The following MCTP1 variants were observed in gnomAD, a reference collection of about 807,000 sequenced individuals.
MCTP1 encodes multiple C2 and transmembrane domain containing 1.
In MCTP1, 69 loss-of-function variants were observed where a neutral mutation model predicts 120.6. The ratio of observed to expected loss-of-function variants is 0.57; its 90% confidence interval spans 0.47 to 0.70. MCTP1 has a LOEUF of 0.70. Ranked by LOEUF, MCTP1 falls within the 30% of genes least tolerant of loss-of-function variation. MCTP1 has a pLI of 0.00. For missense variants in MCTP1, 1,203 were observed against 1,248.8 expected, an observed-to-expected ratio of 0.96 and a Z score of 0.55; for synonymous variants, 529 against 493.1, an observed-to-expected ratio of 1.07 and a Z score of -0.96.
chr5:94,896,655 G>A (rs1804062481), intron 10 of MCTP1, among the ~76,000 whole-genome samples: 1 of 152,130 alleles, frequency 6.6e-6, no homozygotes, highest in Admixed American at 6.6e-5. Context: ...TTGCAAGCTG[G>A]CAATTTTCAG....
intron 2 of MCTP1, among the ~76,000 whole-genome samples, chr5:95,004,951 A>G (rs1283216703): frequency 6.6e-6 from 1 of 152,180 alleles, no homozygotes. Context: ...ACAGCTTGCA[A>G]CATGTTCCTG....
chr5:94,839,188 G>A (rs76756296), intron 17 of MCTP1, among the ~76,000 whole-genome samples: 2,392 of 152,208 alleles, frequency 0.016, 28 homozygotes, highest in Middle Eastern at 0.034. Context: ...ACAAAAGGTC[G>A]AAATTCACCT....
chr5:94,807,320 T>C (rs1415538390), intron 17 of MCTP1, among the ~76,000 whole-genome samples: 1 of 152,130 alleles, frequency 6.6e-6, no homozygotes, highest in Non-Finnish European at 1.5e-5. Context: ...TATCAATATA[T>C]AAAAACTGAT....
chr5:95,132,331 G>A (rs1425732062), intron 1 of MCTP1, among the ~76,000 whole-genome samples: 1 of 152,158 alleles, frequency 6.6e-6, no homozygotes, highest in Non-Finnish European at 1.5e-5. Context: ...GGTATAGTTA[G>A]GACACTCAGC....
chr5:95,149,749 C>CTT, intron 1 of MCTP1, among the ~76,000 whole-genome samples: 1 of 152,174 alleles, frequency 6.6e-6, no homozygotes, highest in African/African-American at 2.4e-5. Flanking sequence ...GTTGGGCTCC[C>CTT]TGCGGCCTTA....
chr5:94,919,340 G>A (rs957689176), intron 7 of MCTP1, among the ~76,000 whole-genome samples: 1 of 152,010 alleles, frequency 6.6e-6, no homozygotes, highest in Non-Finnish European at 1.5e-5. Context: ...CACTAAAAAT[G>A]AGATATTTTA....
chr5:95,008,762 T>C (rs1035050286), intron 2 of MCTP1, among the ~76,000 whole-genome samples: 3 of 152,004 alleles, frequency 2.0e-5, no homozygotes, highest in Non-Finnish European at 2.9e-5. Context: ...AAGGGCGATA[T>C]AAGGCACAGA....
intron 1 of MCTP1, among the ~76,000 whole-genome samples, chr5:95,273,415 G>C (rs1337779223): frequency 6.6e-6 from 1 of 152,144 alleles, no homozygotes; most frequent in African/African-American, 2.4e-5. Context: ...CCTTGATTAA[G>C]AATGAAAATT....
intron 7 of MCTP1, among the ~76,000 whole-genome samples, chr5:94,918,702 T>C (rs1253074140): frequency 6.6e-6 from 1 of 152,166 alleles, no homozygotes; most frequent in Admixed American, 6.5e-5. Context: ...ATGATGAGAT[T>C]AGAGTGAGTC....
At chr5:94,794,819 G>A (rs907113634) in intron 18 of MCTP1, among the ~76,000 whole-genome samples, 1 of 152,160 alleles carries the variant, frequency 6.6e-6, no homozygotes, top group Non-Finnish European at 1.5e-5. Context: ...GGGGTGAGTG[G>A]TGTGGGAAAA....
intron 1 of MCTP1, chr5:95,038,177 T>G: frequency 1.1e-6 from 1 of 924,566 alleles, no homozygotes; most frequent in Non-Finnish European, 1.3e-6. Flanking sequence ...AGTTATTCCT[T>G]CCAGGTATAA....
chr5:95,194,146 T>C (rs1055721260), intron 1 of MCTP1, among the ~76,000 whole-genome samples: 4 of 151,582 alleles, frequency 2.6e-5, no homozygotes, highest in Non-Finnish European at 5.9e-5. Flanking sequence ...AGCCCAGGAG[T>C]CTGAGCCTGC....
chr5:94,789,791 T>C (rs1354047106), intron 18 of MCTP1, among the ~76,000 whole-genome samples: 1 of 152,226 alleles, frequency 6.6e-6, no homozygotes, highest in East Asian at 1.9e-4. Context: ...GGGCAAGGCG[T>C]GTGTCTTCAT....
At chr5:95,278,349 A>G (rs979886596) in intron 1 of MCTP1, among the ~76,000 whole-genome samples, 4 of 152,222 alleles carry the variant, frequency 2.6e-5, no homozygotes, top group Non-Finnish European at 5.9e-5. Flanking sequence ...TAAGTGAACA[A>G]ATGACTTGAG....
chr5:95,183,820 G>T (rs557033926), intron 1 of MCTP1, among the ~76,000 whole-genome samples: 2 of 152,306 alleles, frequency 1.3e-5, no homozygotes, highest in South Asian at 4.1e-4. Flanking sequence ...AAATTAATCA[G>T]ACTGACAATA....
chr5:94,820,034 C>A (rs1785301563), intron 17 of MCTP1, among the ~76,000 whole-genome samples: 1 of 152,192 alleles, frequency 6.6e-6, no homozygotes, highest in Non-Finnish European at 1.5e-5. Flanking sequence ...GTTCTACCCT[C>A]TTTTACACCA....
chr5:95,053,591 T>A (rs1390412371), intron 1 of MCTP1, among the ~76,000 whole-genome samples: 1 of 152,136 alleles, frequency 6.6e-6, no homozygotes, highest in African/African-American at 2.4e-5. Flanking sequence ...AAAGCTCCAA[T>A]CTATATTATT....
rs139010229 is a variant in MCTP1, at chr5:94,860,925, C to A, written c.2436+7408G>T. The stretch of plus-strand genomic sequence containing the variant: ...CTGATTTAAGATCAAATAAAGGCCA[C>A]ACTTTGTCTCTAAAATATTTTATTC... On this transcript the variant is annotated intron_variant, in intron 17 of 22. Coordinates refer to ENST00000515393, the MANE Select transcript of MCTP1 (RefSeq NM_024717.7). Among the ~76,000 whole-genome samples, 3 of 151,804 alleles carry A rather than the reference C, an allele frequency of 2.0e-5. 1 individual carries two copies. The highest frequency in any genetic ancestry group is 2.0e-4 in the Admixed American group (3 of 15,212).
chr5:94,860,577 G>A (rs534763089), intron 17 of MCTP1, among the ~76,000 whole-genome samples: 4 of 151,724 alleles, frequency 2.6e-5, no homozygotes, highest in Admixed American at 2.0e-4. Context: ...GACAAGTTCC[G>A]TATGGGAATA....
Sources: allele counts gnomAD v4.1 joint callset (sites outside exome capture counted in the v4.1 genomes callset), GRCh38; gene constraint gnomAD v4.1.1; transcripts MANE v1.5; gene names NCBI Gene and HGNC (gene_info 2026-07-23, HGNC 2026-07-21).